The following TBC1D22A variants were observed in gnomAD, a reference collection of about 807,000 sequenced individuals.
The protein encoded by TBC1D22A is putative GTPase activator.
TBC1D22A carries 38 observed loss-of-function variants against 60.2 expected under a neutral mutation model. The ratio of observed to expected loss-of-function variants is 0.63; its 90% CI spans 0.49 to 0.83. The LOEUF is 0.83. Ranked by LOEUF, TBC1D22A falls within the 40% of genes least tolerant of loss-of-function variation. The probability of loss-of-function intolerance (pLI) is 0.00; values close to 1 mark genes in which losing one functional copy is unlikely to be tolerated. For missense variants in TBC1D22A, 628 were observed against 701.0 expected (o/e 0.90, Z 1.18); for synonymous variants, 302 against 281.7 (o/e 1.07, Z -0.72).
At chr22:47,020,009 C>T (rs1347004158) in intron 10 of TBC1D22A, among the ~76,000 whole-genome samples, 1 of 152,066 alleles carries the variant, frequency 6.6e-6, no homozygotes, top group Non-Finnish European at 1.5e-5. Flanking sequence ...CCTTAACCCT[C>T]CATCCTTCCC....
intron 9 of TBC1D22A, among the ~76,000 whole-genome samples, chr22:46,995,101 A>G (rs2075074849): frequency 6.6e-6 from 1 of 152,128 alleles, no homozygotes; most frequent in Non-Finnish European, 1.5e-5. Context: ...TGGACAGCCA[A>G]ATTCAGGAGG....
At chr22:47,160,488 A>G (rs533281773) in intron 12 of TBC1D22A, among the ~76,000 whole-genome samples, 307 of 152,266 alleles carry the variant, frequency 2.0e-3, no homozygotes, top group Non-Finnish European at 3.3e-3. Context: ...CCCCAAGCAC[A>G]GGGCCAGGGC....
At chr22:46,952,937 C>T (rs1448662366) in intron 8 of TBC1D22A, among the ~76,000 whole-genome samples, 3 of 152,250 alleles carry the variant, frequency 2.0e-5, no homozygotes, top group East Asian at 1.9e-4. Flanking sequence ...AGGGTGGTCT[C>T]GTCTTTGTCT....
chr22:46,963,609 T>G (rs2073652949), intron 8 of TBC1D22A, among the ~76,000 whole-genome samples: 1 of 152,234 alleles, frequency 6.6e-6, no homozygotes, highest in South Asian at 2.1e-4. Flanking sequence ...AGGCTCTTCC[T>G]TTCTTTTCAT....
At chr22:46,904,629 C>T (rs868397021) in intron 7 of TBC1D22A, among the ~76,000 whole-genome samples, 11 of 151,772 alleles carry the variant, frequency 7.2e-5, no homozygotes, top group East Asian at 1.9e-4. Flanking sequence ...CCACCACGCC[C>T]GGCTAATTTT....
chr22:47,163,435 A>G (rs1034589398), intron 12 of TBC1D22A, among the ~76,000 whole-genome samples: 2 of 152,254 alleles, frequency 1.3e-5, no homozygotes, highest in African/African-American at 4.8e-5. Context: ...TGCAGTGTCG[A>G]GACAGGCAGG....
chr22:47,008,710 G>C (rs541917439), intron 10 of TBC1D22A, among the ~76,000 whole-genome samples: 2 of 152,314 alleles, frequency 1.3e-5, no homozygotes, highest in East Asian at 3.9e-4. Flanking sequence ...ATCTCAGGGC[G>C]GCCAGTGCTG....
intron 10 of TBC1D22A, among the ~76,000 whole-genome samples, chr22:47,018,108 C>A (rs2061964144): frequency 6.6e-6 from 1 of 152,360 alleles, no homozygotes; most frequent in Non-Finnish European, 1.5e-5. Flanking sequence ...GGCACTGAGG[C>A]CTGTGCCAGG....
intron 11 of TBC1D22A, among the ~76,000 whole-genome samples, chr22:47,096,912 T>C (rs916839853): frequency 6.6e-6 from 1 of 152,250 alleles, no homozygotes; most frequent in African/African-American, 2.4e-5. Context: ...CACCCTCAGT[T>C]CGCGTGTGGT....
At chr22:47,018,398 A>T (rs938017726) in intron 10 of TBC1D22A, among the ~76,000 whole-genome samples, 1 of 152,212 alleles carries the variant, frequency 6.6e-6, no homozygotes, top group Non-Finnish European at 1.5e-5. Context: ...CATGAAGAGT[A>T]CAGGTGCCCC....
chr22:47,104,130 C>T (rs1024705113), intron 11 of TBC1D22A, among the ~76,000 whole-genome samples: 3 of 151,784 alleles, frequency 2.0e-5, no homozygotes, highest in African/African-American at 7.3e-5. Context: ...TATGGTGCAA[C>T]CCTGTCTCTG....
At chr22:47,070,230 T>C (rs1259147043) in intron 11 of TBC1D22A, among the ~76,000 whole-genome samples, 1 of 150,334 alleles carries the variant, frequency 6.7e-6, no homozygotes, top group Non-Finnish European at 1.5e-5. Context: ...GGAGCGGAGC[T>C]GACCTGACGG....
At chr22:46,988,139 T>C (rs136129) in intron 9 of TBC1D22A, among the ~76,000 whole-genome samples, 61,966 of 151,792 alleles carry the variant, frequency 0.41, 14,088 homozygotes, top group African/African-American at 0.63. Flanking sequence ...CTCATCCATT[T>C]AAATTTTCCT....
intron 12 of TBC1D22A, among the ~76,000 whole-genome samples, chr22:47,139,436 G>C (rs950019078): frequency 6.6e-6 from 1 of 152,240 alleles, no homozygotes; most frequent in South Asian, 2.1e-4. Context: ...CTGCTGGGTA[G>C]GCCCGGGGTC....
intron 9 of TBC1D22A, among the ~76,000 whole-genome samples, chr22:46,989,681 T>C (rs1334127835): frequency 6.6e-6 from 1 of 151,678 alleles, no homozygotes; most frequent in African/African-American, 2.4e-5. Flanking sequence ...ACATCAAAGA[T>C]CACTCATCAC....
intron 4 of TBC1D22A, among the ~76,000 whole-genome samples, chr22:46,873,490 A>G (rs1408724471): frequency 1.3e-5 from 2 of 152,176 alleles, no homozygotes; most frequent in African/African-American, 4.8e-5. Context: ...CTTATGGCAG[A>G]TTTATTTTAA....
chr22:47,039,704 G>GAA (rs34793078), intron 11 of TBC1D22A, among the ~76,000 whole-genome samples: 24,433 of 80,942 alleles, frequency 0.3, 3,798 homozygotes, highest in Middle Eastern at 0.48. Context: ...TGCATTTCAG[G>GAA]AAAAAAAAAA....
intron 10 of TBC1D22A, among the ~76,000 whole-genome samples, chr22:47,006,932 C>G (rs776752834): frequency 3.9e-5 from 6 of 152,164 alleles, no homozygotes; most frequent in East Asian, 1.9e-4. Flanking sequence ...TAGCATGAAA[C>G]AAGTGTCACA....
chr22:47,143,984 A>G (rs769156974), intron 12 of TBC1D22A, among the ~76,000 whole-genome samples: 57 of 152,040 alleles, frequency 3.7e-4, no homozygotes, highest in Non-Finnish European at 7.4e-4. Context: ...GCCTGGCCAC[A>G]CTCCGAATCA....
Sources: allele counts gnomAD v4.1 joint callset (sites outside exome capture counted in the v4.1 genomes callset), GRCh38; gene constraint gnomAD v4.1.1; transcripts MANE v1.5; gene names NCBI Gene and HGNC (gene_info 2026-07-23, HGNC 2026-07-21).